KIAA1549L: variants seen among roughly 807,000 people sequenced by gnomAD.
The protein encoded by KIAA1549L is UPF0606 protein KIAA1549L.
Under a neutral mutation model 160.7 loss-of-function variants are expected in KIAA1549L, and 88 were observed. That is an observed-to-expected ratio of 0.55 (90% CI 0.46 to 0.65). The LOEUF (loss-of-function observed/expected upper bound fraction) is 0.65. Ranked by LOEUF, KIAA1549L falls within the 30% of genes least tolerant of loss-of-function variation. KIAA1549L has a pLI of 0.00. For synonymous variants in KIAA1549L, 950 were observed against 976.7 expected (o/e 0.97, Z 0.51); for missense variants, 2,258 against 2,437.5 (o/e 0.93, Z 1.55).
At chr11:33,401,241 A>G (rs1303414464) in intron 1 of KIAA1549L, among the ~76,000 whole-genome samples, 4 of 148,054 alleles carry the variant, frequency 2.7e-5, no homozygotes, top group African/African-American at 9.8e-5. Context: ...ATATATTAAT[A>G]TAGTATATAT....
At chr11:33,403,348 GACAGACACAC>G (rs1294878074) in intron 1 of KIAA1549L, 2 of 11,500 alleles carry the variant, frequency 1.7e-4, no homozygotes, top group African/African-American at 2.9e-4. Flanking sequence ...CAGACACGCA[GACAGACACAC>G]ACAGACACAT....
At chr11:33,590,698 T>C (rs944322651) in intron 11 of KIAA1549L, among the ~76,000 whole-genome samples, 1 of 152,224 alleles carries the variant, frequency 6.6e-6, no homozygotes, top group Non-Finnish European at 1.5e-5. Flanking sequence ...AGATCTGTGA[T>C]CCACTTTAAT....
chr11:33,552,474 G>C (rs1323441606), intron 6 of KIAA1549L, among the ~76,000 whole-genome samples: 1 of 152,068 alleles, frequency 6.6e-6, no homozygotes, highest in Non-Finnish European at 1.5e-5. Context: ...TGCTTTCTGA[G>C]GCCTTTCTAA....
At chr11:33,622,828 G>A (rs767197531) in intron 16 of KIAA1549L, among the ~76,000 whole-genome samples, 59 of 152,282 alleles carry the variant, frequency 3.9e-4, no homozygotes, top group African/African-American at 1.3e-3. Flanking sequence ...TCCCAAAGGC[G>A]AAAATGAGCC....
chr11:33,455,400 A>G (rs1022652822), intron 1 of KIAA1549L, among the ~76,000 whole-genome samples: 1 of 152,220 alleles, frequency 6.6e-6, no homozygotes, highest in Non-Finnish European at 1.5e-5. Flanking sequence ...ATTATGGCAG[A>G]AAATACTTTT....
chr11:33,482,623 G>A lies in KIAA1549L; in HGVS notation c.239-59179G>A, dbSNP rs11823328. 4.2e-3 allele frequency among the ~76,000 whole-genome samples: 628 copies of A among 148,328 alleles called. 7 individuals carry two copies. Among genetic ancestry groups the A allele is most frequent in the African/African-American group, 0.014 (574 of 39,998 alleles). ...CACTCTGTCGCCCAGGCTGGAGTGC[G>A]GTGGCATGATCTTGGCCCTCACTGC... On this transcript the variant is annotated intron_variant, in intron 1 of 20. Coordinates refer to ENST00000658780, the MANE Select transcript of KIAA1549L (RefSeq NM_012194.3).
At chr11:33,497,013 A>G (rs1256791646) in intron 1 of KIAA1549L, among the ~76,000 whole-genome samples, 2 of 151,888 alleles carry the variant, frequency 1.3e-5, no homozygotes, top group African/African-American at 4.8e-5. Flanking sequence ...CTCTTCCTCA[A>G]ATCTTCCCAT....
chr11:33,666,113 GGCTCGAATCCACA>G (rs963551029), intron 20 of KIAA1549L, among the ~76,000 whole-genome samples: 3 of 152,104 alleles, frequency 2.0e-5, no homozygotes, highest in Admixed American at 2.0e-4. Context: ...TCCACAGGGA[GGCTCGAATCCACA>G]GCACAATTTG....
At position 33,544,916 on chromosome 11, in the gene KIAA1549L, A is replaced by G; in HGVS notation, c.2923A>G (p.Ser975Gly). 6.2e-7 allele frequency: 1 copy of G among 1,613,502 alleles called. No individual in the cohort carries two copies. The highest frequency in any genetic ancestry group is 8.5e-7 in the Non-Finnish European group (1 of 1,179,614). ...GGCCGTGGCCTCAGGACCAGCTAAGAGCAGTTCGATGACTACTCTTGCTAA... is the reference window on the plus strand; with the variant it reads ...GGCCGTGGCCTCAGGACCAGCTAAGGGCAGTTCGATGACTACTCTTGCTAA... Reference protein sequence around the residue: ...PLAVASGPAKSSSMTTLAKNV... With the variant: ...PLAVASGPAKGSSMTTLAKNV... The change falls in exon 3 of 21, where the codon AGC (serine) becomes GGC (glycine). Residue 975 changes from serine (S) to glycine (G), a missense_variant. By Grantham distance (56) the Ser-to-Gly change is moderately conservative. Transcript: ENST00000658780.
chr11:33,549,066 A>G (rs1414746997), intron 4 of KIAA1549L, among the ~76,000 whole-genome samples: 1 of 152,258 alleles, frequency 6.6e-6, no homozygotes, highest in Non-Finnish European at 1.5e-5. Flanking sequence ...TACAATTTTC[A>G]CTAATCTTCA....
In KIAA1549L at chr11:33,670,930, C is replaced by T. The variant is rs2133474743; in HGVS notation, c.*2776C>T. The T allele has an allele frequency of 6.6e-6, 1 of 152,316 alleles. No homozygotes were observed. The highest frequency in any genetic ancestry group is 2.4e-5 in the African/African-American group (1 of 41,574). 9.4% of individuals were successfully genotyped at this position (152,316 alleles called of 1,614,324 possible). ...GTTCACGAACCTGCTTGCTTTCCAT[C>T]TCGCCATGTGGCCTGCAGGCTTGTC... is the stretch of plus-strand genomic sequence containing the variant. On this transcript the variant is annotated 3_prime_UTR_variant, in exon 21 of 21. Transcript: ENST00000658780.
intron 9 of KIAA1549L, 47 bp downstream of exon 9, chr11:33,568,274 A>C: frequency 2.6e-6 from 4 of 1,522,190 alleles, no homozygotes; most frequent in Non-Finnish European, 2.7e-6. Context: ...CTGGGGGTAG[A>C]GGGGGGGATG....
intron 1 of KIAA1549L, among the ~76,000 whole-genome samples, chr11:33,437,770 C>G (rs1041302606): frequency 6.6e-6 from 1 of 152,174 alleles, no homozygotes; most frequent in African/African-American, 2.4e-5. Flanking sequence ...TTATAGTGAC[C>G]TGACCTGACT....
intron 9 of KIAA1549L, among the ~76,000 whole-genome samples, chr11:33,569,664 G>A (rs1013864129): frequency 1.9e-4 from 29 of 152,132 alleles, no homozygotes; most frequent in African/African-American, 6.8e-4. Context: ...CCCTCCATTC[G>A]CAGTTGGTGA....
At chr11:33,660,326 C>T (rs1219848490) in intron 19 of KIAA1549L, among the ~76,000 whole-genome samples, 1 of 152,070 alleles carries the variant, frequency 6.6e-6, no homozygotes, top group Non-Finnish European at 1.5e-5. Context: ...GTCTGTAATC[C>T]CAACACTTTG....
At chr11:33,385,195 T>C (rs1565114670) in intron 1 of KIAA1549L, among the ~76,000 whole-genome samples, 1 of 152,246 alleles carries the variant, frequency 6.6e-6, no homozygotes, top group Non-Finnish European at 1.5e-5. Flanking sequence ...TTAATTGTTC[T>C]AGCACCACTT....
chr11:33,617,180 A>G (rs1355871671), intron 15 of KIAA1549L, among the ~76,000 whole-genome samples: 9 of 151,694 alleles, frequency 5.9e-5, no homozygotes. Context: ...CTGAAGATAG[A>G]TAGTCTTAGA....
intron 1 of KIAA1549L, among the ~76,000 whole-genome samples, chr11:33,424,823 C>A (rs1487699810): frequency 6.6e-6 from 1 of 152,194 alleles, no homozygotes; most frequent in Non-Finnish European, 1.5e-5. Flanking sequence ...ACAGATGCAG[C>A]CTGCTTCTGT....
chr11:33,441,572 C>A (rs1019630621), intron 1 of KIAA1549L, among the ~76,000 whole-genome samples: 4 of 152,082 alleles, frequency 2.6e-5, no homozygotes, highest in Non-Finnish European at 5.9e-5. Flanking sequence ...CACATCCTCT[C>A]CAGCACCTGT....
Sources: gnomAD v4.1 joint callset for allele counts (sites outside exome capture counted in the v4.1 genomes callset) on GRCh38, gnomAD v4.1.1 for gene constraint, MANE v1.5 for transcripts, NCBI Gene and HGNC (gene_info 2026-07-23, HGNC 2026-07-21) for gene names.